Variants in ULK4 observed in about 807,000 individuals in gnomAD.
The protein encoded by ULK4 is inactive serine/threonine-protein kinase ULK4.
In ULK4, 133 loss-of-function variants were observed where a neutral mutation model predicts 160.6. The ratio of observed to expected loss-of-function variants is 0.83; its 90% confidence interval spans 0.72 to 0.96. The LOEUF is 0.96. ULK4 is among the 40% of genes least tolerant of loss of function. The pLI is 0.00. For synonymous variants in ULK4, 534 were observed against 539.8 expected (o/e 0.99, Z 0.15); for missense variants, 1,580 against 1,499.5 (o/e 1.05, Z -0.89).
intron 18 of ULK4, among the ~76,000 whole-genome samples, chr3:41,826,715 C>A (rs1276578510): frequency 6.7e-6 from 1 of 150,182 alleles, no homozygotes; most frequent in Non-Finnish European, 1.5e-5. Flanking sequence ...TAATAGGAGA[C>A]TTTAACACCC....
chr3:41,247,672 C>T (rs1360410929), intron 36 of ULK4, among the ~76,000 whole-genome samples: 4 of 152,156 alleles, frequency 2.6e-5, no homozygotes, highest in Non-Finnish European at 5.9e-5. Flanking sequence ...ACCAGGAGAC[C>T]GTTCCATGCA....
chr3:41,599,095 C>T (rs529115170), intron 31 of ULK4, among the ~76,000 whole-genome samples: 1 of 152,342 alleles, frequency 6.6e-6, no homozygotes, highest in South Asian at 2.1e-4. Context: ...TCTGACACTT[C>T]CTTTTTCTAC....
At chr3:41,284,383 G>T (rs1254549823) in intron 35 of ULK4, among the ~76,000 whole-genome samples, 1 of 152,044 alleles carries the variant, frequency 6.6e-6, no homozygotes, top group Non-Finnish European at 1.5e-5. Flanking sequence ...CATGGTACTG[G>T]CATAAAAATA....
chr3:41,277,409 A>G (rs1178542841), intron 35 of ULK4, among the ~76,000 whole-genome samples: 3 of 152,222 alleles, frequency 2.0e-5, no homozygotes. Flanking sequence ...ACCATGATCA[A>G]GTGGGTTTCA....
At chr3:41,592,899 A>AT (rs920328746) in intron 31 of ULK4, among the ~76,000 whole-genome samples, 5 of 151,390 alleles carry the variant, frequency 3.3e-5, no homozygotes, top group African/African-American at 1.2e-4. Context: ...CTTAATGTCG[A>AT]TTTTTTTTTA....
chr3:41,842,102 C>T (rs1326242545), intron 17 of ULK4, among the ~76,000 whole-genome samples: 1 of 151,002 alleles, frequency 6.6e-6, no homozygotes, highest in African/African-American at 2.4e-5. Flanking sequence ...CTGCCACATC[C>T]CCCTCTCTGA....
At chr3:41,501,391 G>A (rs1038798883) in intron 32 of ULK4, among the ~76,000 whole-genome samples, 5 of 152,108 alleles carry the variant, frequency 3.3e-5, no homozygotes, top group Non-Finnish European at 7.4e-5. Context: ...CCAGCTACTC[G>A]GAAGGCTGAG....
intron 31 of ULK4, among the ~76,000 whole-genome samples, chr3:41,571,954 G>C (rs190105814): frequency 6.6e-6 from 1 of 152,152 alleles, no homozygotes; most frequent in South Asian, 2.1e-4. Flanking sequence ...GCTGCCACAC[G>C]GGCCCGAGCT....
chr3:41,809,683 C>G (rs2040760340), intron 19 of ULK4, among the ~76,000 whole-genome samples: 1 of 152,170 alleles, frequency 6.6e-6, no homozygotes, highest in Non-Finnish European at 1.5e-5. Context: ...TTCTGTTGGC[C>G]TACTTATCTC....
intron 32 of ULK4, among the ~76,000 whole-genome samples, chr3:41,493,447 A>G (rs373896273): frequency 0.22 from 20,570 of 94,828 alleles, 2,043 homozygotes; most frequent in African/African-American, 0.25. Context: ...AGGGAAATTT[A>G]TAGCACTAAA....
chr3:41,511,307 A>C (rs946415488), intron 32 of ULK4, among the ~76,000 whole-genome samples: 5 of 152,148 alleles, frequency 3.3e-5, no homozygotes, highest in African/African-American at 1.2e-4. Context: ...AAACTAAATG[A>C]AATCAAAAAA....
chr3:41,671,660 G>C (rs887400680), intron 29 of ULK4, among the ~76,000 whole-genome samples: 14 of 151,956 alleles, frequency 9.2e-5, no homozygotes, highest in African/African-American at 3.1e-4. Flanking sequence ...CACTGGTCTA[G>C]GGAGAGATTT....
chr3:41,824,351 A>C (rs7649989), intron 18 of ULK4, among the ~76,000 whole-genome samples: 47,333 of 151,456 alleles, frequency 0.31, 10,844 homozygotes, highest in African/African-American at 0.65. Context: ...CGAGCATAAG[A>C]CAAAGCAGGG....
At chr3:41,836,634 C>T (rs2041765524) in intron 17 of ULK4, among the ~76,000 whole-genome samples, 1 of 152,170 alleles carries the variant, frequency 6.6e-6, no homozygotes, top group Admixed American at 6.5e-5. Flanking sequence ...CGAATTTTAC[C>T]ATGCCACGTC....
At chr3:41,579,900 T>G (rs1459247893) in intron 31 of ULK4, among the ~76,000 whole-genome samples, 1 of 149,398 alleles carries the variant, frequency 6.7e-6, no homozygotes, top group African/African-American at 2.4e-5. Context: ...TTTCCTGGCA[T>G]GCCATTACCC....
intron 29 of ULK4, among the ~76,000 whole-genome samples, chr3:41,670,007 G>C (rs2035482641): frequency 1.3e-5 from 2 of 152,188 alleles, no homozygotes; most frequent in South Asian, 4.1e-4. Flanking sequence ...GTCTTGAATA[G>C]TTGGGTAAAT....
At chr3:41,806,568 T>G (rs571385355) in intron 19 of ULK4, among the ~76,000 whole-genome samples, 2,348 of 152,294 alleles carry the variant, frequency 0.015, 58 homozygotes, top group African/African-American at 0.053. Context: ...TTCTTTTAAT[T>G]GTGATGTTAG....
At chr3:41,393,748 G>C (rs537380502) in intron 35 of ULK4, among the ~76,000 whole-genome samples, 72 of 152,228 alleles carry the variant, frequency 4.7e-4, no homozygotes, top group African/African-American at 1.7e-3. Context: ...ATGAATAAAA[G>C]AATGAATCTC....
intron 18 of ULK4, among the ~76,000 whole-genome samples, chr3:41,828,535 C>T (rs1559587627): frequency 7.4e-6 from 1 of 134,960 alleles, no homozygotes; most frequent in Non-Finnish European, 1.5e-5. Context: ...TGAGTGAACT[C>T]CCATTCACAA....
Sources: gnomAD v4.1 joint callset for allele counts (sites outside exome capture counted in the v4.1 genomes callset) on GRCh38, gnomAD v4.1.1 for gene constraint, MANE v1.5 for transcripts, NCBI Gene and HGNC (gene_info 2026-07-23, HGNC 2026-07-21) for gene names.